Variants in GK5 observed in about 807,000 individuals in gnomAD.
GK5 encodes the protein ATP:glycerol 3-phosphotransferase 5.
GK5 carries 39 observed loss-of-function variants against 77.3 expected under a neutral mutation model. That is an observed-to-expected ratio of 0.50 (90% confidence interval 0.39 to 0.66). The LOEUF (loss-of-function observed/expected upper bound fraction) is 0.66, where lower values mean the gene tolerates loss of function less well. Ranked by LOEUF, GK5 falls within the 30% of genes least tolerant of loss-of-function variation. The pLI, the probability that GK5 is intolerant of heterozygous loss-of-function variation, is 0.00. For synonymous variants in GK5, 211 were observed against 208.0 expected (o/e 1.01, Z -0.13); for missense variants, 487 against 633.8 (o/e 0.77, Z 2.49).
At chr3:142,166,647 C>T (rs1464536620) in intron 15 of GK5, among the ~76,000 whole-genome samples, 2 of 124,988 alleles carry the variant, frequency 1.6e-5, no homozygotes, top group Non-Finnish European at 3.4e-5. Context: ...AATTATCCTG[C>T]CTGGGCCTCT....
At chr3:142,170,542 C>T (rs1026127431) in intron 14 of GK5, 84 bp from the exon 15 acceptor site, 12 of 1,148,314 alleles carry the variant, frequency 1.0e-5, no homozygotes, top group African/African-American at 7.9e-5. Context: ...TTCCTGAAAT[C>T]CTTGATTTTA....
In GK5 at chr3:142,159,677, G is replaced by GA. The variant is rs1302207567; in HGVS notation, c.*5944dup. ...TTTACTTGGAAAGGGGATTTAAAAA[G>GA]AAAAAACCACCAACACGATTTTGAA... is the stretch of plus-strand genomic sequence containing the variant. On this transcript the variant is annotated 3_prime_UTR_variant, in exon 16 of 16. Transcript: ENST00000392993. 3 of 150,890 alleles carry GA rather than the reference G, an allele frequency of 2.0e-5. No homozygotes were observed. The highest frequency in any genetic ancestry group is 1.5e-5 in the Non-Finnish European group (1 of 67,694). The allele number at this position is 150,890 out of a possible 1,614,324, so 9.3% of individuals were successfully genotyped here. A position where few individuals can be genotyped will look rare whatever the true frequency, so the allele number is the denominator to read the frequency against.
intron 1 of GK5, among the ~76,000 whole-genome samples, chr3:142,224,440 A>G (rs2064399673): frequency 6.6e-6 from 1 of 152,188 alleles, no homozygotes; most frequent in Admixed American, 6.5e-5. Context: ...CAATAAGAAC[A>G]CCATAACAAA....
At chr3:142,166,239 C>T (rs2063471480) in intron 15 of GK5, among the ~76,000 whole-genome samples, 1 of 151,478 alleles carries the variant, frequency 6.6e-6, no homozygotes, top group Non-Finnish European at 1.5e-5. Flanking sequence ...AGAGAAAGAC[C>T]CTGTCTCTAA....
intron 2 of GK5, among the ~76,000 whole-genome samples, chr3:142,215,196 A>G (rs758950498): frequency 3.1e-4 from 47 of 152,246 alleles, no homozygotes; most frequent in Non-Finnish European, 1.2e-4. Context: ...TCAAATGGCC[A>G]GAAAAAAACA....
intron 1 of GK5, among the ~76,000 whole-genome samples, chr3:142,224,353 G>A (rs1275660592): frequency 1.3e-5 from 2 of 152,174 alleles, no homozygotes; most frequent in Non-Finnish European, 2.9e-5. Flanking sequence ...CAAAGCTGCA[G>A]TGAGCCGAGA....
intron 10 of GK5, 57 bp from the exon 11 acceptor site, chr3:142,181,622 C>G: frequency 1.1e-5 from 13 of 1,167,566 alleles, no homozygotes; most frequent in Non-Finnish European, 1.6e-5. Context: ...ATTATAGAGA[C>G]TTCTACAATG....
intron 3 of GK5, among the ~76,000 whole-genome samples, chr3:142,208,124 CA>C (rs760824908): frequency 6.6e-6 from 1 of 152,066 alleles, no homozygotes; most frequent in African/African-American, 2.4e-5. Flanking sequence ...TTTTTTCAGA[CA>C]TTTTTTAAAT....
intron 12 of GK5, chr3:142,173,099 G>T: frequency 2.7e-6 from 1 of 377,002 alleles, no homozygotes; most frequent in Non-Finnish European, 5.2e-6. Flanking sequence ...TACTTGGGAG[G>T]CTGAGGTGGA....
chr3:142,215,594 ATT>A lies in GK5; in HGVS notation c.241+3_241+4del. On this transcript the variant is annotated splice_donor_region_variant and intron_variant, in intron 2 of 15. Coordinates refer to ENST00000392993, the MANE Select transcript of GK5 (RefSeq NM_001039547.3). ...GATTATTGTTATTTTTATAAATCCA[ATT>A]ACCTTTGACTGCTTCTTTTATTACG... 1 of 1,457,046 alleles carries A rather than the reference ATT, an allele frequency of 6.9e-7. No homozygotes were observed. The highest frequency in any genetic ancestry group is 2.3e-5 in the East Asian group (1 of 43,924). The allele number at this position is 1,457,046 out of a possible 1,614,324, so 90.3% of individuals were successfully genotyped here. A position where few individuals can be genotyped will look rare whatever the true frequency, so the allele number is the denominator to read the frequency against.
rs1390577687 is a variant in GK5, at chr3:142,163,761, C to A, written c.*1861G>T. The stretch of plus-strand genomic sequence containing the variant: ...CTGCAATCCCAGCACTTTGGGAGGC[C>A]AAGGTGGGAGGATCACTTGAGGCCA... On this transcript the variant is annotated 3_prime_UTR_variant, in exon 16 of 16. Transcript: ENST00000392993. The A allele has an allele frequency of 2.0e-5, 3 of 151,692 alleles. No individual in the cohort carries two copies. The highest frequency in any genetic ancestry group is 7.3e-5 in the African/African-American group (3 of 41,270). The allele number at this position is 151,692 out of a possible 1,614,324, so 9.4% of individuals were successfully genotyped here.
In GK5 at chr3:142,159,292, T is replaced by C. The variant is rs1264679760; in HGVS notation, c.*6330A>G. 6.6e-6 allele frequency: 1 copy of C among 152,184 alleles called. No individual in the cohort carries two copies. Among genetic ancestry groups the C allele is most frequent in the African/African-American group, 2.4e-5 (1 of 41,446 alleles). The allele number at this position is 152,184 out of a possible 1,614,324, so 9.4% of individuals were successfully genotyped here. On this transcript the variant is annotated 3_prime_UTR_variant, in exon 16 of 16. Transcript: ENST00000392993. ...TGGGAATGTAAGATGGTATAGCCAG[T>C]CTGGAAAACAGTTTGGCTGTTTCTT...
At chr3:142,209,035 G>C (rs2064153475) in intron 3 of GK5, among the ~76,000 whole-genome samples, 1 of 152,104 alleles carries the variant, frequency 6.6e-6, no homozygotes, top group South Asian at 2.1e-4. Flanking sequence ...TGTAGTCCCA[G>C]CTCCTCGGGA....
At chr3:142,171,281 C>A in intron 14 of GK5, 138 bp downstream of exon 14, 2 of 756,480 alleles carry the variant, frequency 2.6e-6, no homozygotes, top group Non-Finnish European at 3.8e-6. Context: ...AGGAGCTAAG[C>A]AGAAATTATT....
intron 12 of GK5, chr3:142,172,975 G>A (rs2063558602): frequency 4.5e-6 from 1 of 223,266 alleles, no homozygotes; most frequent in South Asian, 6.2e-5. Context: ...GGCCAAGGAG[G>A]GAGGATTGCT....
At chr3:142,186,609 T>G in intron 6 of GK5, 96 bp from the exon 7 acceptor site, 1 of 486,774 alleles carries the variant, frequency 2.1e-6, no homozygotes, top group East Asian at 3.6e-5. Flanking sequence ...ACCCTCAAAT[T>G]CATTCCAAAA....
chr3:142,180,304 T>C (rs555287097), intron 11 of GK5, among the ~76,000 whole-genome samples: 38 of 151,632 alleles, frequency 2.5e-4, no homozygotes, highest in African/African-American at 9.0e-4. Context: ...CTCTTTCTTT[T>C]TTCTTTTTTT....
intron 5 of GK5, among the ~76,000 whole-genome samples, chr3:142,190,372 A>G (rs2063831985): frequency 6.6e-6 from 1 of 152,240 alleles, no homozygotes; most frequent in African/African-American, 2.4e-5. Context: ...ACAAAAAAAA[A>G]GTTGAGCAAA....
intron 10 of GK5, among the ~76,000 whole-genome samples, chr3:142,182,721 A>C (rs1006560139): frequency 6.6e-6 from 1 of 152,146 alleles, no homozygotes; most frequent in Non-Finnish European, 1.5e-5. Flanking sequence ...ATATATCCTG[A>C]ATTTTTCAAC....
Sources: gnomAD v4.1 joint callset for allele counts (sites outside exome capture counted in the v4.1 genomes callset) on GRCh38, gnomAD v4.1.1 for gene constraint, MANE v1.5 for transcripts, NCBI Gene and HGNC (gene_info 2026-07-23, HGNC 2026-07-21) for gene names.